PKP1: variants seen among roughly 807,000 people sequenced by gnomAD.
The protein encoded by PKP1 is plakophilin-1.
A neutral mutation model predicts 76.4 loss-of-function variants in PKP1; 27 were observed. The ratio of observed to expected loss-of-function variants is 0.35; its 90% CI spans 0.26 to 0.49. The LOEUF (loss-of-function observed/expected upper bound fraction) is 0.49. Among genes scored for constraint, PKP1 ranks in the 20% least tolerant of loss-of-function variants. The pLI is 0.99. For missense variants in PKP1, 964 were observed against 955.2 expected (o/e 1.01, Z -0.12); for synonymous variants, 404 against 384.2 (o/e 1.05, Z -0.60).
chr1:201,312,633 G>A (rs950945087), intron 2 of PKP1, among the ~76,000 whole-genome samples: 4 of 152,132 alleles, frequency 2.6e-5, no homozygotes, highest in Non-Finnish European at 5.9e-5. Flanking sequence ...GGCTTCACTC[G>A]AAGTGCCCCA....
intron 1 of PKP1, among the ~76,000 whole-genome samples, chr1:201,288,771 G>C (rs955125048): frequency 7.2e-5 from 11 of 152,078 alleles, no homozygotes; most frequent in African/African-American, 2.7e-4. Context: ...GTCCCCACAG[G>C]ATGCTCCCAT....
chr1:201,293,240 C>T (rs925357556), intron 1 of PKP1, among the ~76,000 whole-genome samples: 2 of 152,198 alleles, frequency 1.3e-5, no homozygotes, highest in African/African-American at 4.8e-5. Context: ...CACTAGGAGC[C>T]CCAAATCCAG....
rs1163150196 is a variant in PKP1 at position 201,324,973 on chromosome 1, C to T, written c.1867C>T (p.Leu623Phe). ...GGTGTTCCCGGAGGTGACCAGGCTC[C>T]TCACCAGCCACACTGGCAATACCAG... Reference protein sequence around the residue: ...NQVFPEVTRLLTSHTGNTSNS... With the variant: ...NQVFPEVTRLFTSHTGNTSNS... The change falls in exon 11 of 14, where the codon CTC (leucine) becomes TTC (phenylalanine). Residue 623 changes from leucine (L) to phenylalanine (F), a missense_variant. Physicochemically the swap from Leu to Phe is conservative, Grantham distance 22. Transcript: ENST00000367324. 5 of 1,613,612 alleles carry T rather than the reference C, an allele frequency of 3.1e-6. No homozygotes were observed. The African/African-American group carries it at 6.7e-5, about 22-fold the overall frequency.
At chr1:201,315,678 T>C (rs534401709) in intron 3 of PKP1, among the ~76,000 whole-genome samples, 87 of 152,320 alleles carry the variant, frequency 5.7e-4, no homozygotes, top group African/African-American at 1.8e-3. Flanking sequence ...TTAAAACATA[T>C]GAAATTTCTG....
Position 201,313,466 on chromosome 1 carries a change from C to T in PKP1, c.607C>T (p.Pro203Ser), listed in dbSNP as rs371876880. ...QKAIKKCPVR[P>S]PSCASKQDPV... ...GGCCATAAAGAAGTGCCCTGTGCGC[C>T]CGCCCTCTTGTGCCTCCAAGCAGGA... The change falls in exon 3 of 14, where the codon CCG becomes TCG. Residue 203 changes from proline to serine, a missense_variant. Transcript: ENST00000367324. 1.9e-6 allele frequency: 3 copies of T among 1,612,350 alleles called. No individual in the cohort carries two copies. The highest frequency in any genetic ancestry group is 2.5e-6 in the Non-Finnish European group (3 of 1,179,504).
At chr1:201,292,181 G>A (rs988140346) in intron 1 of PKP1, among the ~76,000 whole-genome samples, 3 of 152,268 alleles carry the variant, frequency 2.0e-5, no homozygotes, top group Non-Finnish European at 2.9e-5. Flanking sequence ...CTTCTTCCTT[G>A]TAAGCTGAGC....
chr1:201,307,773 A>C (rs2102167830), intron 2 of PKP1, among the ~76,000 whole-genome samples: 1 of 152,282 alleles, frequency 6.6e-6, no homozygotes, highest in South Asian at 2.1e-4. Flanking sequence ...CTGTCTTTGA[A>C]AGACTTCTAA....
At position 201,331,097 on chromosome 1, in the gene PKP1, G is replaced by C. The variant is rs186112428; in HGVS notation, c.*1056G>C. On this transcript the variant is annotated 3_prime_UTR_variant, in exon 14 of 14. Transcript: ENST00000367324. Reference sequence around the variant, plus strand: ...ACCTATTCCGGCTTCTAGTGGGATGGAGTTGGGGTATAGAAATTAACCAGG... The same window carrying C: ...ACCTATTCCGGCTTCTAGTGGGATGCAGTTGGGGTATAGAAATTAACCAGG... 1 of 152,266 alleles carries C rather than the reference G, an allele frequency of 6.6e-6. No homozygotes were observed. The highest frequency in any genetic ancestry group is 1.5e-5 in the Non-Finnish European group (1 of 68,060). The allele number at this position is 152,266 out of a possible 1,614,324, so 9.4% of individuals were successfully genotyped here.
At chr1:201,310,293 A>G (rs567772508) in intron 2 of PKP1, among the ~76,000 whole-genome samples, 8 of 152,344 alleles carry the variant, frequency 5.3e-5, no homozygotes, top group East Asian at 1.9e-4. Context: ...ACAATCCTCT[A>G]TGTTGGCTAC....
chr1:201,323,249 T>C, intron 9 of PKP1, 60 bp downstream of exon 9: 1 of 1,512,748 alleles, frequency 6.6e-7, no homozygotes, highest in Non-Finnish European at 9.2e-7. Flanking sequence ...CCGTCCAGCC[T>C]CTGCTCCCTC....
intron 6 of PKP1, 29 bp from the exon 7 acceptor site, chr1:201,320,238 G>C: frequency 7.0e-7 from 1 of 1,421,296 alleles, no homozygotes; most frequent in East Asian, 2.3e-5. Context: ...CCCTTTCTCT[G>C]CCCTCTTCCA....
chr1:201,318,350 C>A (rs547853990), intron 5 of PKP1, among the ~76,000 whole-genome samples: 1 of 152,216 alleles, frequency 6.6e-6, no homozygotes, highest in African/African-American at 2.4e-5. Flanking sequence ...ATCAATCAAA[C>A]GTTTTTTGAT....
rs1571541438 is a variant in PKP1 at position 201,294,023 on chromosome 1, G to C, written c.284G>C (p.Gly95Ala). Residue 95 changes from glycine to alanine, a missense_variant, in exon 2 of 14, where the codon GGG becomes GCG. Coordinates refer to ENST00000367324, the MANE Select transcript of PKP1 (RefSeq NM_001005337.3). ...RSSYYSKFQAGNGSWGYPIYN... is the reference protein window; with the variant it reads ...RSSYYSKFQAANGSWGYPIYN... The stretch of plus-strand genomic sequence containing the variant: ...AGCTACTACTCCAAGTTCCAGGCAG[G>C]GAATGGCTCATGGGGATATCCGGTA... The C allele has an allele frequency of 1.2e-6, 2 of 1,612,636 alleles. No individual in the cohort carries two copies. The highest frequency in any genetic ancestry group is 1.3e-5 in the African/African-American group (1 of 75,004).
intron 2 of PKP1, among the ~76,000 whole-genome samples, chr1:201,301,136 GA>G (rs1553273994): frequency 6.6e-6 from 1 of 152,184 alleles, no homozygotes; most frequent in Non-Finnish European, 1.5e-5. Flanking sequence ...CCAGACCCAG[GA>G]GAGGGCAGAC....
chr1:201,313,222 C>T lies in PKP1; in HGVS notation c.363C>T (p.Ser121=), dbSNP rs771159058. 1.2e-6 allele frequency: 2 copies of T among 1,605,550 alleles called. No homozygotes were observed. Among genetic ancestry groups the T allele is most frequent in the African/African-American group, 2.7e-5 (2 of 74,772 alleles). The change falls in exon 3 of 14, where the codon AGC becomes AGT. Residue 121 remains serine, a synonymous_variant. Coordinates refer to ENST00000367324, the MANE Select transcript of PKP1 (RefSeq NM_001005337.3). The part of the protein sequence containing the change: ...EPDNRRFSSY[S]QMENWSRHYP... ...ACAACAGGCGCTTCAGCTCCTACAG[C>T]CAGATGGAGAACTGGAGCCGGCACT...
intron 2 of PKP1, among the ~76,000 whole-genome samples, chr1:201,297,087 T>TA (rs1303483668): frequency 1.3e-5 from 2 of 152,154 alleles, no homozygotes; most frequent in Non-Finnish European, 2.9e-5. Context: ...GCCTTGTAAT[T>TA]AAAAAACAAT....
chr1:201,320,328 T>C lies in PKP1; in HGVS notation c.1294T>C (p.Ser432Pro). 1.2e-6 allele frequency: 2 copies of C among 1,614,138 alleles called. No homozygotes were observed. Among genetic ancestry groups the C allele is most frequent in the East Asian group, 4.5e-5 (2 of 44,876 alleles). ...TMRNYSGLID[S>P]LMAYVQNCVA... ...GCGTAACTACTCAGGGCTCATTGAT[T>C]CCCTCATGGCCTATGTCCAGAACTG... The change falls in exon 7 of 14, where the codon TCC (serine) becomes CCC (proline). Residue 432 changes from serine to proline, a missense_variant. Transcript: ENST00000367324.
intron 4 of PKP1, 68 bp from the exon 5 acceptor site, chr1:201,317,504 T>C: frequency 1.5e-6 from 2 of 1,365,734 alleles, no homozygotes; most frequent in Non-Finnish European, 2.1e-6. Flanking sequence ...AAATCACCTT[T>C]GAGTAGAGAA....
At chr1:201,325,900 C>T in intron 12 of PKP1, 62 bp downstream of exon 12, 2 of 1,290,532 alleles carry the variant, frequency 1.5e-6, no homozygotes, top group Non-Finnish European at 2.2e-6. Context: ...GAGGGCCTGG[C>T]ATATGCTGGG....
Sources: gnomAD v4.1 joint callset for allele counts (sites outside exome capture counted in the v4.1 genomes callset) on GRCh38, gnomAD v4.1.1 for gene constraint, MANE v1.5 for transcripts, NCBI Gene and HGNC (gene_info 2026-07-23, HGNC 2026-07-21) for gene names.